The following POTEG variants were observed in gnomAD, a reference collection of about 807,000 sequenced individuals.
POTEG encodes the protein POTE ankyrin domain family member G.
Under a neutral mutation model 49.6 loss-of-function variants are expected in POTEG, and 2 were observed. That is an observed-to-expected ratio of 0.04 (90% confidence interval 0.02 to 0.13). The LOEUF is 0.13. Among genes scored for constraint, POTEG ranks in the 10% least tolerant of loss-of-function variants. POTEG has a pLI of 1.00. For missense variants in POTEG, 26 were observed against 545.2 expected (o/e 0.05, Z 9.48); for synonymous variants, 7 against 186.6 (o/e 0.04, Z 7.84).
Position 19,402,830 on chromosome 14 carries a change from G to C in POTEG, c.*281C>G. 2.5e-6 allele frequency: 1 copy of C among 398,672 alleles called. No homozygotes were observed. The highest frequency in any genetic ancestry group is 4.2e-6 in the Non-Finnish European group (1 of 237,888). The allele number at this position is 398,672 out of a possible 1,614,324, so 24.7% of individuals were successfully genotyped here. On this transcript the variant is annotated 3_prime_UTR_variant, in exon 11 of 11. Transcript: ENST00000547848. ...ACGATGGAAGGGAAGACAGCCCGGGGGGCATCGTCACCTGCAAAGCCGGCC... is the reference window on the plus strand; with the variant it reads ...ACGATGGAAGGGAAGACAGCCCGGGCGGCATCGTCACCTGCAAAGCCGGCC...
In POTEG at chr14:19,417,163, A is replaced by C. The variant is rs1372710253; in HGVS notation, c.1127-805T>G. ...GATTCTGCATGTCTTTCCCCAAATA[A>C]ACAGGTATCTCCTTCCTTGAGGCTG... On this transcript the variant is annotated intron_variant, in intron 6 of 10. Transcript: ENST00000547848. Among the ~76,000 whole-genome samples, 4 of 151,198 alleles carry C rather than the reference A, an allele frequency of 2.6e-5. No individual in the cohort carries two copies. The East Asian group carries it at 7.8e-4, about 30-fold the overall frequency.
intron 4 of POTEG, chr14:19,424,535 C>G (rs1293538026): frequency 5.6e-6 from 1 of 177,656 alleles, no homozygotes; most frequent in Non-Finnish European, 9.4e-6. Context: ...GCAGAAGCTA[C>G]TAATTTAAAG....
intron 6 of POTEG, among the ~76,000 whole-genome samples, chr14:19,419,960 C>G (rs2139163301): frequency 7.0e-6 from 1 of 143,866 alleles, no homozygotes; most frequent in East Asian, 2.0e-4. Context: ...CTATCATGAA[C>G]TTGCCTTAGC....
At chr14:19,417,560 A>C (rs1297761690) in intron 6 of POTEG, among the ~76,000 whole-genome samples, 2 of 125,798 alleles carry the variant, frequency 1.6e-5, no homozygotes, top group Non-Finnish European at 3.4e-5. Flanking sequence ...TGCCTACAAC[A>C]GAAGGATGAG....
At chr14:19,424,662 G>C (rs1441832847) in intron 4 of POTEG, 4 of 73,602 alleles carry the variant, frequency 5.4e-5, no homozygotes, top group Admixed American at 1.4e-4. Context: ...AATCAGCTAG[G>C]GGGTAAAATA....
intron 3 of POTEG, among the ~76,000 whole-genome samples, chr14:19,426,018 C>T (rs1883928872): frequency 8.2e-6 from 1 of 121,250 alleles, no homozygotes. Context: ...AATATTTTTC[C>T]CATCTAAACA....
At chr14:19,420,014 G>A (rs1258649724) in intron 6 of POTEG, among the ~76,000 whole-genome samples, 1 of 139,316 alleles carries the variant, frequency 7.2e-6, no homozygotes, top group Non-Finnish European at 1.5e-5. Context: ...TCACACTTTT[G>A]GTATTAGCAA....
At position 19,425,760 on chromosome 14, in the gene POTEG, T is replaced by C. The variant is rs771525101; in HGVS notation, c.811-48A>G. ...AACGTATGTAATTCAAAAAAGTACA[T>C]ATTCCTCAACCGAAGTGGAAACTTT... On this transcript the variant is annotated intron_variant, in intron 3 of 10. Coordinates refer to ENST00000547848, the MANE Select transcript of POTEG (RefSeq NM_001005356.3). 27 of 360,908 alleles carry C rather than the reference T, an allele frequency of 7.5e-5. 1 individual carries two copies. In the Admixed American group the frequency reaches 2.0e-3, roughly 27 times the overall value. The allele number at this position is 360,908 out of a possible 1,614,324, so 22.4% of individuals were successfully genotyped here.
At chr14:19,426,187 ACT>A (rs1244924792) in intron 3 of POTEG, among the ~76,000 whole-genome samples, 1 of 150,446 alleles carries the variant, frequency 6.6e-6, no homozygotes, top group East Asian at 1.9e-4. Context: ...TGCTATTAAA[ACT>A]CACACTGCCC....
At chr14:19,414,249 T>C (rs978122481) in intron 8 of POTEG, among the ~76,000 whole-genome samples, 3 of 141,110 alleles carry the variant, frequency 2.1e-5, no homozygotes, top group African/African-American at 7.6e-5. Context: ...TTATCTACTT[T>C]AGCCACATTT....
At chr14:19,414,316 A>G (rs1883461156) in intron 8 of POTEG, among the ~76,000 whole-genome samples, 1 of 145,224 alleles carries the variant, frequency 6.9e-6, no homozygotes, top group Admixed American at 6.9e-5. Context: ...CAAAGCTCCT[A>G]AAGTGGCATT....
In POTEG at chr14:19,415,345, C is replaced by A. The variant is rs868787531; in HGVS notation, c.1198-739G>T. Among the ~76,000 whole-genome samples the A allele has an allele frequency of 6.5e-3, 904 of 138,952 alleles. 6 individuals carry two copies. Among genetic ancestry groups the A allele is most frequent in the African/African-American group, 0.022 (864 of 39,452 alleles). The allele number at this position is 138,952 out of a possible 152,430, so 91.2% of individuals were successfully genotyped here. Reference sequence around the variant, plus strand: ...AGGTCCCATTCTGCAAGATATGATTCCTTTAATAGGCAGTTGGGTTGCTTT... The same window carrying A: ...AGGTCCCATTCTGCAAGATATGATTACTTTAATAGGCAGTTGGGTTGCTTT... On this transcript the variant is annotated intron_variant, in intron 7 of 10. Coordinates refer to ENST00000547848, the MANE Select transcript of POTEG (RefSeq NM_001005356.3).
intron 1 of POTEG, among the ~76,000 whole-genome samples, chr14:19,431,068 C>A (rs1451630753): frequency 2.6e-5 from 4 of 151,504 alleles, no homozygotes; most frequent in Admixed American, 2.6e-4. Flanking sequence ...TATGTCATTA[C>A]TAATGAACCT....
chr14:19,415,354 G>C (rs533156298), intron 7 of POTEG, among the ~76,000 whole-genome samples: 1 of 144,144 alleles, frequency 6.9e-6, no homozygotes, highest in African/African-American at 2.5e-5. Flanking sequence ...TCCTTTAATA[G>C]GCAGTTGGGT....
At chr14:19,413,221 CATT>C in intron 9 of POTEG, 130 bp downstream of exon 9, 1 of 349,050 alleles carries the variant, frequency 2.9e-6, no homozygotes, top group Non-Finnish European at 4.4e-6. Flanking sequence ...AATGGTAACT[CATT>C]GTTTACTGAT....
At chr14:19,432,366 GTATATATATATATATATA>G (rs58599371) in intron 1 of POTEG, among the ~76,000 whole-genome samples, 5 of 37,874 alleles carry the variant, frequency 1.3e-4, no homozygotes, top group East Asian at 1.2e-3. Flanking sequence ...AAGAAATTTT[GTATATATATATATATATA>G]TATATATATA....
At position 19,424,689 on chromosome 14, in the gene POTEG, G is replaced by A. The variant is rs28378509; in HGVS notation, c.918-387C>T. The stretch of plus-strand genomic sequence containing the variant: ...GGTAAAATAAATAAGACCTCTCTGC[G>A]TGCTGAAAGCAAGTAAGATTAATAA... On this transcript the variant is annotated intron_variant, in intron 4 of 10. Coordinates refer to ENST00000547848, the MANE Select transcript of POTEG (RefSeq NM_001005356.3). 2.8e-4 allele frequency: 18 copies of A among 65,142 alleles called. No homozygotes were observed. In the East Asian group the frequency reaches 2.9e-3, roughly 10 times the overall value. 4.0% of individuals were successfully genotyped at this position (65,142 alleles called of 1,614,324 possible).
chr14:19,433,503 G>A (rs1317263136), intron 1 of POTEG, among the ~76,000 whole-genome samples: 1,154 of 86,836 alleles, frequency 0.013, no homozygotes, highest in African/African-American at 0.035. Context: ...CTGCTGCATC[G>A]ACAATGTTGC....
intron 7 of POTEG, among the ~76,000 whole-genome samples, chr14:19,415,274 A>T (rs1229837331): frequency 1.4e-5 from 2 of 141,732 alleles, no homozygotes; most frequent in African/African-American, 5.0e-5. Context: ...GATTTTCTGC[A>T]ACTGAAATAA....
Sources: gnomAD v4.1 joint callset for allele counts (sites outside exome capture counted in the v4.1 genomes callset) on GRCh38, gnomAD v4.1.1 for gene constraint, MANE v1.5 for transcripts, NCBI Gene and HGNC (gene_info 2026-07-23, HGNC 2026-07-21) for gene names.